The following CATSPER4 variants were observed in gnomAD, a reference collection of about 807,000 sequenced individuals.
CATSPER4 encodes the protein cation channel sperm-associated protein 4.
In CATSPER4, 46 loss-of-function variants were observed where a neutral mutation model predicts 54.4. The observed-to-expected ratio is 0.84, with a 90% confidence interval of 0.67 to 1.08. The LOEUF (loss-of-function observed/expected upper bound fraction) is 1.08. Among genes scored for constraint, CATSPER4 ranks in the 50% least tolerant of loss-of-function variants. The pLI is 0.00. For missense variants in CATSPER4, 574 were observed against 612.8 expected (o/e 0.94, Z 0.67); for synonymous variants, 230 against 231.9 (o/e 0.99, Z 0.08).
intron 3 of CATSPER4, among the ~76,000 whole-genome samples, chr1:26,195,544 G>A (rs150184988): frequency 0.18 from 26,113 of 146,814 alleles, 2,469 homozygotes; most frequent in Middle Eastern, 0.3. Context: ...TCTGTCGCCT[G>A]GGCTGGAGTG....
chr1:26,191,382 G>T lies in CATSPER4; in HGVS notation c.309G>T (p.Val103=). 6.2e-7 allele frequency: 1 copy of T among 1,614,196 alleles called. No homozygotes were observed. Among genetic ancestry groups the T allele is most frequent in the South Asian group, 1.1e-5 (1 of 91,084 alleles). ...AFQLLLALLL[V]INAITIALRT... ...AACTGCTGCTGGCCCTGCTGCTGGT[G>T]ATCAATGCCATCACCATCGCTCTCC... is the stretch of plus-strand genomic sequence containing the variant. The change falls in exon 2 of 10, where the codon GTG becomes GTT. Residue 103 remains valine, a synonymous_variant. Coordinates refer to ENST00000456354, the MANE Select transcript of CATSPER4 (RefSeq NM_198137.2).
chr1:26,200,346 G>T (rs2088993066), intron 7 of CATSPER4, among the ~76,000 whole-genome samples: 1 of 152,106 alleles, frequency 6.6e-6, no homozygotes, highest in African/African-American at 2.4e-5. Context: ...TTTGTAAAAT[G>T]GGAATAATAA....
intron 7 of CATSPER4, 103 bp downstream of exon 7, chr1:26,200,161 G>A: frequency 7.2e-7 from 1 of 1,386,748 alleles, no homozygotes. Context: ...CAAGGGCCTG[G>A]AGAAAGCCAA....
chr1:26,202,583 C>T lies in CATSPER4; in HGVS notation c.*41C>T, dbSNP rs1222055011. 1.3e-6 allele frequency: 2 copies of T among 1,565,292 alleles called. No individual in the cohort carries two copies. Among genetic ancestry groups the T allele is most frequent in the South Asian group, 2.3e-5 (2 of 87,960 alleles). On this transcript the variant is annotated 3_prime_UTR_variant, in exon 10 of 10. Coordinates refer to ENST00000456354, the MANE Select transcript of CATSPER4 (RefSeq NM_198137.2). ...GCCAAGGGGCCTGCACACACACACC[C>T]AGCCGCTGCGTCTTCCTGTGTCCTT... is the stretch of plus-strand genomic sequence containing the variant.
At position 26,202,656 on chromosome 1, in the gene CATSPER4, C is replaced by G. The variant is rs1038230794; in HGVS notation, c.*114C>G. On this transcript the variant is annotated 3_prime_UTR_variant, in exon 10 of 10. Coordinates refer to ENST00000456354, the MANE Select transcript of CATSPER4 (RefSeq NM_198137.2). ...CCAGAGCCCATCCTCTCCCTTATAC[C>G]TGGGCAGAGGCCAGGGGCTGTGAAG... The G allele has an allele frequency of 6.9e-6, 7 of 1,009,846 alleles. No homozygotes were observed. Among genetic ancestry groups the G allele is most frequent in the Non-Finnish European group, 9.2e-6 (6 of 654,562 alleles). The allele number at this position is 1,009,846 out of a possible 1,614,324, so 62.6% of individuals were successfully genotyped here.
chr1:26,202,549 A>G lies in CATSPER4; in HGVS notation c.*7A>G. ...ACACAAGAGCAGCCACTGAGAGGCCAGGATGGGAGCCAAGGGGCCTGCACA... is the reference window on the plus strand; with the variant it reads ...ACACAAGAGCAGCCACTGAGAGGCCGGGATGGGAGCCAAGGGGCCTGCACA... On this transcript the variant is annotated 3_prime_UTR_variant, in exon 10 of 10. Transcript: ENST00000456354. 6.2e-7 allele frequency: 1 copy of G among 1,609,490 alleles called. No individual in the cohort carries two copies. The highest frequency in any genetic ancestry group is 8.5e-7 in the Non-Finnish European group (1 of 1,177,656).
intron 9 of CATSPER4, 146 bp downstream of exon 9, chr1:26,201,665 T>C (rs2089010193): frequency 1.4e-6 from 1 of 720,372 alleles, no homozygotes; most frequent in Non-Finnish European, 2.4e-6. Flanking sequence ...CTTTTTTTTC[T>C]TTTTTCTTTT....
chr1:26,197,778 T>C lies in CATSPER4; in HGVS notation c.552T>C (p.Thr184=). 1 of 1,612,562 alleles carries C rather than the reference T, an allele frequency of 6.2e-7. No individual in the cohort carries two copies. The highest frequency in any genetic ancestry group is 2.2e-5 in the East Asian group (1 of 44,870). Reference sequence around the variant, plus strand: ...TCAATATTCCCTCCATCAACTACACTCTCAGGTGAGCGGGGAGCTCTGGAG... The same window carrying C: ...TCAATATTCCCTCCATCAACTACACCCTCAGGTGAGCGGGGAGCTCTGGAG... ...NEINIPSINY[T]LRALRLVHVC... The change falls in exon 4 of 10, where the codon ACT becomes ACC. Residue 184 remains threonine (T), a synonymous_variant. Transcript: ENST00000456354.
intron 1 of CATSPER4, among the ~76,000 whole-genome samples, 191 bp from the exon 2 acceptor site, chr1:26,191,096 G>A (rs1013316799): frequency 1.3e-5 from 2 of 152,020 alleles, no homozygotes; most frequent in African/African-American, 2.4e-5. Flanking sequence ...AAAATCCCCC[G>A]ATAGTAACCC....
At chr1:26,191,467 A>C (rs761896845) in intron 2 of CATSPER4, 37 bp downstream of exon 2, 2 of 1,609,416 alleles carry the variant, frequency 1.2e-6, no homozygotes, top group Non-Finnish European at 8.5e-7. Flanking sequence ...CACTAACCCT[A>C]ATGGGGGGCC....
chr1:26,191,014 A>G (rs1337371941), intron 1 of CATSPER4, among the ~76,000 whole-genome samples, 174 bp downstream of exon 1: 1 of 151,986 alleles, frequency 6.6e-6, no homozygotes, highest in African/African-American at 2.4e-5. Context: ...AATGCCCCCC[A>G]TAGGAACCCT....
chr1:26,192,721 T>G (rs1466149970), intron 2 of CATSPER4, among the ~76,000 whole-genome samples: 1 of 152,080 alleles, frequency 6.6e-6, no homozygotes, highest in Non-Finnish European at 1.5e-5. Context: ...GCCACCATGC[T>G]GGGCTGAGGA....
intron 8 of CATSPER4, 78 bp downstream of exon 8, chr1:26,201,119 G>C: frequency 8.0e-7 from 1 of 1,247,052 alleles, no homozygotes; most frequent in Non-Finnish European, 1.2e-6. Flanking sequence ...CTGGCCTCAC[G>C]CCCTCACCAT....
At chr1:26,198,704 G>A (rs748664404) in intron 6 of CATSPER4, among the ~76,000 whole-genome samples, 1 of 152,196 alleles carries the variant, frequency 6.6e-6, no homozygotes, top group South Asian at 2.1e-4. Flanking sequence ...TAAGGCAGCA[G>A]GTCTGCAGTT....
chr1:26,199,463 G>A (rs1037478956), intron 6 of CATSPER4, among the ~76,000 whole-genome samples: 44 of 151,450 alleles, frequency 2.9e-4, no homozygotes, highest in Non-Finnish European at 5.7e-4. Context: ...GCCAGGCGTG[G>A]TGGCAAGCAC....
At chr1:26,199,292 C>T (rs1006869665) in intron 6 of CATSPER4, among the ~76,000 whole-genome samples, 10 of 151,886 alleles carry the variant, frequency 6.6e-5, no homozygotes, top group African/African-American at 1.7e-4. Context: ...AAAAATTAGC[C>T]GGACGGTGGG....
chr1:26,194,922 T>C (rs1337112881), intron 3 of CATSPER4, among the ~76,000 whole-genome samples: 1 of 152,062 alleles, frequency 6.6e-6, no homozygotes, highest in East Asian at 1.9e-4. Context: ...TCGTCTCTAC[T>C]AAAAATACAA....
intron 9 of CATSPER4, among the ~76,000 whole-genome samples, 186 bp from the exon 10 acceptor site, chr1:26,202,303 A>G (rs1213208670): frequency 2.0e-5 from 3 of 152,126 alleles, no homozygotes; most frequent in Non-Finnish European, 4.4e-5. Context: ...CCTCCACACC[A>G]TCAGCCTGGG....
At chr1:26,202,369 T>C (rs1462214552) in intron 9 of CATSPER4, 120 bp from the exon 10 acceptor site, 11 of 855,762 alleles carry the variant, frequency 1.3e-5, no homozygotes, top group Non-Finnish European at 2.1e-5. Context: ...AAGTTAGACC[T>C]ATGAAGCACT....
Sources: gnomAD v4.1 joint callset for allele counts (sites outside exome capture counted in the v4.1 genomes callset) on GRCh38, gnomAD v4.1.1 for gene constraint, MANE v1.5 for transcripts, NCBI Gene and HGNC (gene_info 2026-07-23, HGNC 2026-07-21) for gene names.